RETREG1: variants seen among roughly 807,000 people sequenced by gnomAD.
The protein encoded by RETREG1 is reticulophagy regulator 1.
A neutral mutation model predicts 54.8 loss-of-function variants in RETREG1; 44 were observed. That is an observed-to-expected ratio of 0.80 (90% CI 0.63 to 1.03). The LOEUF is 1.03. Ranked by LOEUF, RETREG1 falls within the 50% of genes least tolerant of loss-of-function variation. RETREG1 has a pLI of 0.00. For missense variants in RETREG1, 554 were observed against 605.1 expected (o/e 0.92, Z 0.89); for synonymous variants, 217 against 238.5 (o/e 0.91, Z 0.83).
In RETREG1 at chr5:16,502,193, C is replaced by T. The variant is rs146611448; in HGVS notation, c.459-18721G>A. Among the ~76,000 whole-genome samples the T allele has an allele frequency of 4.8e-3, 723 of 150,508 alleles. 9 individuals carry two copies. Among genetic ancestry groups the T allele is most frequent in the African/African-American group, 0.016 (667 of 41,032 alleles). ...CAGGATGGTCTCGATCTCCTGATCTCGTGATTCACCCACCTCGGCCTCCCA... is the reference window on the plus strand; with the variant it reads ...CAGGATGGTCTCGATCTCCTGATCTTGTGATTCACCCACCTCGGCCTCCCA... On this transcript the variant is annotated intron_variant, in intron 3 of 8. Coordinates refer to ENST00000306320, the MANE Select transcript of RETREG1 (RefSeq NM_001034850.3).
At chr5:16,546,207 G>A (rs1741383493) in intron 3 of RETREG1, among the ~76,000 whole-genome samples, 1 of 151,546 alleles carries the variant, frequency 6.6e-6, no homozygotes, top group Non-Finnish European at 1.5e-5. Context: ...TGTCTCTGTT[G>A]CCTAGGCTGG....
chr5:16,536,318 G>T (rs1272989737), intron 3 of RETREG1, among the ~76,000 whole-genome samples: 1 of 152,202 alleles, frequency 6.6e-6, no homozygotes, highest in East Asian at 1.9e-4. Context: ...AGCCCACACT[G>T]ATTCATTCCC....
chr5:16,577,282 TAG>T (rs1251121640), intron 1 of RETREG1, among the ~76,000 whole-genome samples: 1 of 137,856 alleles, frequency 7.3e-6, no homozygotes, highest in African/African-American at 2.7e-5. Flanking sequence ...TGATAAGACT[TAG>T]GTTTGTTTTT....
At chr5:16,605,051 A>G (rs1450596449) in intron 1 of RETREG1, among the ~76,000 whole-genome samples, 1 of 152,190 alleles carries the variant, frequency 6.6e-6, no homozygotes, top group African/African-American at 2.4e-5. Flanking sequence ...ACAAAGATGA[A>G]GACACAGGAG....
intron 3 of RETREG1, among the ~76,000 whole-genome samples, chr5:16,546,267 G>A (rs892696769): frequency 6.6e-6 from 1 of 152,004 alleles, no homozygotes; most frequent in Admixed American, 6.6e-5. Flanking sequence ...TCCTGGGCTT[G>A]AGTGATCCTC....
In RETREG1 at chr5:16,509,035, C is replaced by T. The variant is rs541463075; in HGVS notation, c.459-25563G>A. 873 of 970,200 alleles carry T rather than the reference C, an allele frequency of 9.0e-4. 11 individuals carry two copies. In the African/African-American group the frequency reaches 0.016, roughly 18 times the overall value. The allele number at this position is 970,200 out of a possible 1,614,324, so 60.1% of individuals were successfully genotyped here. A position where few individuals can be genotyped will look rare whatever the true frequency, so the allele number is the denominator to read the frequency against. ...GGCCCGCCTGCCCTTTTTCTTCCCC[C>T]GGCTTTTTTTTTTTTTTTTCTGGCA... On this transcript the variant is annotated intron_variant, in intron 3 of 8. Coordinates refer to ENST00000306320, the MANE Select transcript of RETREG1 (RefSeq NM_001034850.3).
intron 5 of RETREG1, among the ~76,000 whole-genome samples, chr5:16,480,636 C>T (rs1738727661): frequency 6.6e-6 from 1 of 152,040 alleles, no homozygotes; most frequent in South Asian, 2.1e-4. Flanking sequence ...TTAATTTTAG[C>T]CATTCTGGTA....
rs7708397 is a variant in RETREG1, at chr5:16,616,579, T to G, written c.320+73A>C. The stretch of plus-strand genomic sequence containing the variant: ...AGTGTCCCGCGGGCTCCCCCTGCAC[T>G]GGGTCCCCGGGGCCCCGGGCGCCCC... On this transcript the variant is annotated intron_variant, in intron 1 of 8. Transcript: ENST00000306320. 2.8e-4 allele frequency: 432 copies of G among 1,532,888 alleles called. 1 individual carries two copies. Among genetic ancestry groups the G allele is most frequent in the Admixed American group, 2.0e-3 (100 of 50,920 alleles). The allele number at this position is 1,532,888 out of a possible 1,614,324, so 95.0% of individuals were successfully genotyped here.
At chr5:16,527,929 C>A (rs1347381026) in intron 3 of RETREG1, among the ~76,000 whole-genome samples, 2 of 150,796 alleles carry the variant, frequency 1.3e-5, no homozygotes, top group African/African-American at 4.9e-5. Context: ...CCAGCCTCAG[C>A]CTCCCGAGTA....
chr5:16,500,122 G>A (rs142141099), intron 3 of RETREG1, among the ~76,000 whole-genome samples: 1 of 152,178 alleles, frequency 6.6e-6, no homozygotes, highest in Non-Finnish European at 1.5e-5. Context: ...AAGAGGGTGA[G>A]CTTGTCCATA....
intron 3 of RETREG1, among the ~76,000 whole-genome samples, chr5:16,554,474 G>A (rs1005901612): frequency 4.6e-5 from 7 of 152,168 alleles, no homozygotes; most frequent in East Asian, 3.9e-4. Flanking sequence ...CCCTGCCTGC[G>A]GGCACACCCT....
rs1738619851 is a variant in RETREG1 at position 16,478,109 on chromosome 5, A to G, written c.809-11T>C. 7 of 1,602,644 alleles carry G rather than the reference A, an allele frequency of 4.4e-6. No individual in the cohort carries two copies. The East Asian group carries it at 1.6e-4, about 36-fold the overall frequency. ...TTTCTTTGTCTGCTTCTGTTGAGGA[A>G]AAAATTTGGAAGCTTTCAGTTTCCT... On this transcript the variant is annotated splice_polypyrimidine_tract_variant and intron_variant, in intron 6 of 8. Transcript: ENST00000306320.
intron 3 of RETREG1, among the ~76,000 whole-genome samples, chr5:16,536,971 CAGAG>C (rs1178542438): frequency 6.6e-6 from 1 of 152,164 alleles, no homozygotes; most frequent in East Asian, 1.9e-4. Flanking sequence ...CTCCCATCGT[CAGAG>C]AGTTCACACA....
chr5:16,479,028 T>C (rs1554014997), intron 5 of RETREG1, 41 bp from the exon 6 acceptor site: 1 of 1,599,822 alleles, frequency 6.3e-7, no homozygotes, highest in Non-Finnish European at 8.6e-7. Context: ...GCCTTTCCTT[T>C]CAAAAGGCTA....
intron 3 of RETREG1, among the ~76,000 whole-genome samples, chr5:16,511,083 C>A (rs1228703827): frequency 6.6e-6 from 1 of 152,158 alleles, no homozygotes; most frequent in African/African-American, 2.4e-5. Context: ...TTAGCTATTA[C>A]CAACAGGAAA....
intron 3 of RETREG1, among the ~76,000 whole-genome samples, chr5:16,554,453 C>G (rs1343513732): frequency 6.6e-6 from 1 of 152,166 alleles, no homozygotes; most frequent in African/African-American, 2.4e-5. Context: ...GTTGTCACCT[C>G]CCCACATTCA....
chr5:16,560,772 C>A (rs1282079114), intron 3 of RETREG1, among the ~76,000 whole-genome samples: 1 of 152,172 alleles, frequency 6.6e-6, no homozygotes, highest in Non-Finnish European at 1.5e-5. Context: ...ATAAAGTGTT[C>A]TTTAATTTTT....
chr5:16,581,804 C>T (rs899164565), intron 1 of RETREG1, among the ~76,000 whole-genome samples: 3 of 152,112 alleles, frequency 2.0e-5, no homozygotes, highest in Non-Finnish European at 4.4e-5. Context: ...GTTACATGTT[C>T]TTTTAGCTGA....
intron 3 of RETREG1, among the ~76,000 whole-genome samples, chr5:16,546,012 C>T (rs556709101): frequency 5.4e-4 from 82 of 152,328 alleles, no homozygotes; most frequent in South Asian, 4.6e-3. Context: ...AACCCTTTCC[C>T]TTTCCATGAG....
Sources: allele counts gnomAD v4.1 joint callset (sites outside exome capture counted in the v4.1 genomes callset), GRCh38; gene constraint gnomAD v4.1.1; transcripts MANE v1.5; gene names NCBI Gene and HGNC (gene_info 2026-07-23, HGNC 2026-07-21).